Variants in PCDHGA10 observed in about 807,000 individuals in gnomAD.
PCDHGA10 encodes protocadherin gamma subfamily A, 10.
In PCDHGA10, 42 loss-of-function variants were observed where a neutral mutation model predicts 59.5. That is an observed-to-expected ratio of 0.71 (90% CI 0.55 to 0.91). PCDHGA10 has a LOEUF of 0.91. Among genes scored for constraint, PCDHGA10 ranks in the 40% least tolerant of loss-of-function variants. The pLI is 0.00. For synonymous variants in PCDHGA10, 511 were observed against 517.2 expected, an observed-to-expected ratio of 0.99 and a Z score of 0.16; for missense variants, 1,111 against 1,198.2, an observed-to-expected ratio of 0.93 and a Z score of 1.07.
chr5:141,489,723 T>C lies in PCDHGA10; in HGVS notation c.2437-5084T>C, dbSNP rs900332220. ...CACTGGACAGTGCCCAGGATCCGGA[T>C]GTGGGCACCAATACTGTGAGCTTTT... On this transcript the variant is annotated intron_variant, in intron 1 of 3. Coordinates refer to ENST00000398610, the MANE Select transcript of PCDHGA10 (RefSeq NM_018913.3). This position sits in a 1 kb window ranked among gnomAD's most constrained non-coding sequence, Gnocchi z 4.5. 4.3e-6 allele frequency: 7 copies of C among 1,613,958 alleles called. No homozygotes were observed. The highest frequency in any genetic ancestry group is 5.9e-6 in the Non-Finnish European group (7 of 1,179,940).
At position 141,413,181 on chromosome 5, in the gene PCDHGA10, C is replaced by T; in HGVS notation, c.6C>T (p.Ala2=). The change falls in exon 1 of 4, where the codon GCC becomes GCT. Residue 2 remains alanine, a synonymous_variant. Transcript: ENST00000398610. The stretch of plus-strand genomic sequence containing the variant: ...AATTCTGTAACCAGACTACAATGGC[C>T]GCTCAAAGGAATCGCTCAAAGGAAT... M[A]AQRNRSKESK... 8 of 1,602,880 alleles carry T rather than the reference C, an allele frequency of 5.0e-6. No individual in the cohort carries two copies. The highest frequency in any genetic ancestry group is 6.8e-6 in the Non-Finnish European group (8 of 1,173,648).
At chr5:141,434,763 C>T (rs2097714876) in intron 1 of PCDHGA10, among the ~76,000 whole-genome samples, 1 of 151,296 alleles carries the variant, frequency 6.6e-6, no homozygotes, top group South Asian at 2.1e-4. Flanking sequence ...TTCCCCACTT[C>T]ACACTTCTAA....
rs2154544774 is a variant in PCDHGA10 at position 141,413,827 on chromosome 5, G to A, written c.652G>A (p.Ala218Thr). The A allele has an allele frequency of 6.2e-7, 1 of 1,613,200 alleles. No individual in the cohort carries two copies. ...EEAIHHLVLT[A>T]SDGGDPLRSG... ...GGCCATTCACCACCTGGTCCTCACCGCCTCCGACGGGGGTGACCCTCTCCG... is the reference window on the plus strand; with the variant it reads ...GGCCATTCACCACCTGGTCCTCACCACCTCCGACGGGGGTGACCCTCTCCG... Residue 218 changes from alanine (A) to threonine (T), a missense_variant, in exon 1 of 4, where the codon GCC (alanine) becomes ACC (threonine). By Grantham distance (58) the Ala-to-Thr change is moderately conservative. Transcript: ENST00000398610.
chr5:141,422,898 C>T (rs2096684110), intron 1 of PCDHGA10: 2 of 1,614,250 alleles, frequency 1.2e-6, no homozygotes, highest in Middle Eastern at 1.6e-4. Flanking sequence ...TGGACCAGAA[C>T]GACAATGCGC....
intron 1 of PCDHGA10, among the ~76,000 whole-genome samples, chr5:141,447,640 G>A (rs184184100): frequency 6.6e-6 from 1 of 152,198 alleles, no homozygotes; most frequent in Admixed American, 6.5e-5. Flanking sequence ...TATGAATGAT[G>A]GTAGAATTTT....
In PCDHGA10 at chr5:141,485,109, C is replaced by A; in HGVS notation, c.2437-9698C>A. ...AGATAGGTGTCTCCAGCTGCTGTGG[C>A]TGTTTGGGGCGGGTCGGCTTCATCC... On this transcript the variant is annotated intron_variant, in intron 1 of 3. Transcript: ENST00000398610. This position sits in a 1 kb window ranked among gnomAD's most constrained non-coding sequence, Gnocchi z 5.7. The A allele has an allele frequency of 1.6e-6, 2 of 1,230,962 alleles. No individual in the cohort carries two copies. The highest frequency in any genetic ancestry group is 2.4e-6 in the Non-Finnish European group (2 of 850,024). The allele number at this position is 1,230,962 out of a possible 1,614,324, so 76.3% of individuals were successfully genotyped here.
chr5:141,437,782 A>C (rs1410096491), intron 1 of PCDHGA10, among the ~76,000 whole-genome samples: 1 of 151,512 alleles, frequency 6.6e-6, no homozygotes, highest in African/African-American at 2.4e-5. Context: ...TCTGTCGCCA[A>C]GCTGGAGTGC....
intron 1 of PCDHGA10, among the ~76,000 whole-genome samples, chr5:141,437,777 C>T (rs998490046): frequency 2.0e-5 from 3 of 148,970 alleles, no homozygotes; most frequent in Admixed American, 6.7e-5. Context: ...CTCAATCTGT[C>T]GCCAAGCTGG....
At chr5:141,427,901 G>C (rs2097088177) in intron 1 of PCDHGA10, 6 of 1,572,234 alleles carry the variant, frequency 3.8e-6, no homozygotes, top group East Asian at 2.2e-5. Flanking sequence ...GCTCGCCCGC[G>C]CTCAGCGCCA....
intron 1 of PCDHGA10, among the ~76,000 whole-genome samples, chr5:141,456,679 T>C (rs1357662868): frequency 2.0e-5 from 3 of 152,104 alleles, no homozygotes; most frequent in Non-Finnish European, 2.9e-5. Flanking sequence ...AAAAATGCAT[T>C]ACTGGCCAGG....
intron 1 of PCDHGA10, among the ~76,000 whole-genome samples, chr5:141,434,692 A>G (rs891952554): frequency 8.5e-5 from 13 of 152,082 alleles, no homozygotes; most frequent in African/African-American, 2.4e-4. Flanking sequence ...CTTGCTGTTA[A>G]TAAATATGTG....
At chr5:141,462,833 A>G (rs1488609568) in intron 1 of PCDHGA10, among the ~76,000 whole-genome samples, 1 of 152,082 alleles carries the variant, frequency 6.6e-6, no homozygotes, top group Non-Finnish European at 1.5e-5. Flanking sequence ...GACATTGTAA[A>G]TGTTATATTT....
chr5:141,500,433 T>C (rs1398344932), intron 2 of PCDHGA10, among the ~76,000 whole-genome samples: 1 of 151,764 alleles, frequency 6.6e-6, no homozygotes, highest in East Asian at 1.9e-4. Context: ...ATGGTCTCGA[T>C]CTCCTGACCT....
rs766431596 is a variant in PCDHGA10 at position 141,422,883 on chromosome 5, C to T, written c.2436+7272C>T. The T allele has an allele frequency of 3.7e-6, 6 of 1,614,124 alleles. No homozygotes were observed. The African/African-American group carries it at 4.0e-5, about 11-fold the overall frequency. Reference sequence around the variant, plus strand: ...GCAGCAACGTGTCGCTGAGCCTGTTCGTGCTGGACCAGAACGACAATGCGC... The same window carrying T: ...GCAGCAACGTGTCGCTGAGCCTGTTTGTGCTGGACCAGAACGACAATGCGC... On this transcript the variant is annotated intron_variant, in intron 1 of 3. Transcript: ENST00000398610.
In PCDHGA10 at chr5:141,490,761, G is replaced by GTA. The variant is rs1380770489; in HGVS notation, c.2437-4044_2437-4043dup. The GTA allele has an allele frequency of 6.2e-7, 1 of 1,614,048 alleles. No individual in the cohort carries two copies. The highest frequency in any genetic ancestry group is 1.3e-5 in the African/African-American group (1 of 74,920). On this transcript the variant is annotated intron_variant, in intron 1 of 3. Coordinates refer to ENST00000398610, the MANE Select transcript of PCDHGA10 (RefSeq NM_018913.3). The surrounding 1 kb of genome is among the most constrained non-coding windows in gnomAD (Gnocchi z 5.4). ...AGGGAGCCCCAGCCTCCTCCTTTGT[G>GTA]TATGTCAACCCAGAGGATGGACGGA...
At chr5:141,506,191 C>T (rs932500250) in intron 3 of PCDHGA10, among the ~76,000 whole-genome samples, 8 of 152,182 alleles carry the variant, frequency 5.3e-5, no homozygotes, top group African/African-American at 1.9e-4. Flanking sequence ...TGGCTCACGC[C>T]TGTAATCCCA....
Position 141,491,454 on chromosome 5 carries a change from C to T in PCDHGA10, c.2437-3353C>T. The T allele has an allele frequency of 1.9e-6, 3 of 1,614,120 alleles. No individual in the cohort carries two copies. The highest frequency in any genetic ancestry group is 2.5e-6 in the Non-Finnish European group (3 of 1,180,032). On this transcript the variant is annotated intron_variant, in intron 1 of 3. Coordinates refer to ENST00000398610, the MANE Select transcript of PCDHGA10 (RefSeq NM_018913.3). This position sits in a 1 kb window ranked among gnomAD's most constrained non-coding sequence, Gnocchi z 6.9. ...GCTGCAGGCGCCAGGACTCACCCTCCCCGGACTTCTATAAGCAGTCCAGCC... is the reference window on the plus strand; with the variant it reads ...GCTGCAGGCGCCAGGACTCACCCTCTCCGGACTTCTATAAGCAGTCCAGCC...
chr5:141,415,257 T>G lies in PCDHGA10; in HGVS notation c.2082T>G (p.Thr694=). The change falls in exon 1 of 4, where the codon ACT becomes ACG. Residue 694 remains threonine, a synonymous_variant. Coordinates refer to ENST00000398610, the MANE Select transcript of PCDHGA10 (RefSeq NM_018913.3). ...SPANSETSDL[T]LYLVVAVAAV... ...CTAACTCTGAAACCTCAGACCTCAC[T>G]CTGTACCTGGTGGTAGCGGTGGCCG... The G allele has an allele frequency of 6.2e-7, 1 of 1,614,170 alleles. No homozygotes were observed. The highest frequency in any genetic ancestry group is 8.5e-7 in the Non-Finnish European group (1 of 1,180,020).
Position 141,414,170 on chromosome 5 carries a change from T to C in PCDHGA10, c.995T>C (p.Leu332Pro), listed in dbSNP as rs1411353386. The C allele has an allele frequency of 6.2e-7, 1 of 1,606,208 alleles. No homozygotes were observed. The highest frequency in any genetic ancestry group is 1.7e-5 in the Admixed American group (1 of 58,580). The stretch of plus-strand genomic sequence containing the variant: ...CAAGCAGAAGATGGAGGAGCATATC[T>C]TGCAACTGCAAAAGTGTTGATTACA... ...EIQAEDGGAY[L>P]ATAKVLITVE... Residue 332 changes from leucine to proline, a missense_variant, in exon 1 of 4, where the codon CTT becomes CCT. By Grantham distance (98) the Leu-to-Pro change is moderately conservative. Coordinates refer to ENST00000398610, the MANE Select transcript of PCDHGA10 (RefSeq NM_018913.3).
Sources: allele counts gnomAD v4.1 joint callset (sites outside exome capture counted in the v4.1 genomes callset), GRCh38; gene constraint gnomAD v4.1.1; non-coding constraint Gnocchi (gnomAD v3.1); transcripts MANE v1.5; gene names NCBI Gene and HGNC (gene_info 2026-07-23, HGNC 2026-07-21).